The following IQCJ variants were observed in gnomAD, a reference collection of about 807,000 sequenced individuals.
The protein encoded by IQCJ is IQ domain-containing protein J.
IQCJ carries 9 observed loss-of-function variants against 11.0 expected under a neutral mutation model. That is an observed-to-expected ratio of 0.82 (90% CI 0.49 to 1.43). IQCJ has a LOEUF of 1.43. IQCJ is among the 40% of genes most tolerant of loss of function. The pLI, the probability that IQCJ is intolerant of heterozygous loss-of-function variation, is 0.00. For missense variants in IQCJ, 146 were observed against 133.2 expected (o/e 1.10, Z -0.47); for synonymous variants, 55 against 51.3 (o/e 1.07, Z -0.31).
intron 2 of IQCJ, among the ~76,000 whole-genome samples, chr3:159,251,310 T>A (rs1271600961): frequency 2.6e-5 from 4 of 152,068 alleles, no homozygotes; most frequent in African/African-American, 9.7e-5. Flanking sequence ...CTAGTCCTCA[T>A]AACCTGGACT....
At chr3:159,153,561 T>A (rs1455678523) in intron 1 of IQCJ, among the ~76,000 whole-genome samples, 1 of 152,256 alleles carries the variant, frequency 6.6e-6, no homozygotes, top group Non-Finnish European at 1.5e-5. Flanking sequence ...CAATGTTCCT[T>A]GTATTCTAGT....
intron 1 of IQCJ, among the ~76,000 whole-genome samples, chr3:159,163,588 C>G (rs1285021475): frequency 6.6e-6 from 1 of 152,172 alleles, no homozygotes; most frequent in Non-Finnish European, 1.5e-5. Flanking sequence ...TGGTCTTGAA[C>G]TTCTGAGCTC....
chr3:159,117,751 T>C (rs1436858840), intron 1 of IQCJ, among the ~76,000 whole-genome samples: 1 of 152,198 alleles, frequency 6.6e-6, no homozygotes, highest in African/African-American at 2.4e-5. Flanking sequence ...GACACAGTGC[T>C]GAATAGTAGA....
chr3:159,113,163 G>A (rs549060409), intron 1 of IQCJ, among the ~76,000 whole-genome samples: 2 of 152,228 alleles, frequency 1.3e-5, no homozygotes, highest in African/African-American at 2.4e-5. Flanking sequence ...TTGGTTTAAA[G>A]AGCCCTGGGG....
At chr3:159,131,000 G>C (rs1046503914) in intron 1 of IQCJ, among the ~76,000 whole-genome samples, 4 of 151,998 alleles carry the variant, frequency 2.6e-5, no homozygotes, top group African/African-American at 9.7e-5. Context: ...CTACCTCTCA[G>C]GATTATTCTA....
chr3:159,131,138 T>C (rs1194935314), intron 1 of IQCJ, among the ~76,000 whole-genome samples: 1 of 152,126 alleles, frequency 6.6e-6, no homozygotes, highest in Non-Finnish European at 1.5e-5. Flanking sequence ...GAGGTAGAAG[T>C]CCTGGGTTCA....
chr3:159,123,721 A>G (rs1022607031), intron 1 of IQCJ, among the ~76,000 whole-genome samples: 1 of 152,132 alleles, frequency 6.6e-6, no homozygotes. Flanking sequence ...TTCCAGCTCC[A>G]AGCTCTTAAA....
chr3:159,073,262 C>G (rs529926133), intron 1 of IQCJ, among the ~76,000 whole-genome samples: 1 of 152,230 alleles, frequency 6.6e-6, no homozygotes, highest in South Asian at 2.1e-4. Context: ...AGTCCTGTAG[C>G]TGGATGTTGT....
chr3:159,151,150 C>A (rs780982916), intron 1 of IQCJ, among the ~76,000 whole-genome samples: 1 of 152,180 alleles, frequency 6.6e-6, no homozygotes, highest in Non-Finnish European at 1.5e-5. Flanking sequence ...TTGGAAGGAG[C>A]AGAACATCTC....
chr3:159,088,766 T>G (rs4479641), intron 1 of IQCJ, among the ~76,000 whole-genome samples: 52,677 of 151,292 alleles, frequency 0.35, 10,315 homozygotes, highest in Non-Finnish European at 0.46. Context: ...GTTTTCCATT[T>G]GCTTGGTAGA....
chr3:159,265,366 C>T, downstream of IQCJ: 1 of 1,613,442 alleles, frequency 6.2e-7, no homozygotes, highest in Non-Finnish European at 8.5e-7. Context: ...CTCAAGGAGC[C>T]CCAGATAGAA....
At chr3:159,104,136 C>T (rs367725806) in intron 1 of IQCJ, among the ~76,000 whole-genome samples, 2 of 152,186 alleles carry the variant, frequency 1.3e-5, no homozygotes, top group Admixed American at 6.5e-5. Flanking sequence ...TTTACTCTTC[C>T]CCAAATGTCC....
chr3:159,114,863 G>A (rs918445108), intron 1 of IQCJ, among the ~76,000 whole-genome samples: 1 of 152,180 alleles, frequency 6.6e-6, no homozygotes, highest in Admixed American at 6.5e-5. Context: ...CTCAAATAAA[G>A]CTGAAGACAT....
At chr3:159,102,231 C>A (rs138343347) in intron 1 of IQCJ, among the ~76,000 whole-genome samples, 156 of 152,318 alleles carry the variant, frequency 1.0e-3, no homozygotes, top group African/African-American at 3.5e-3. Flanking sequence ...AATCTTCTCT[C>A]TTCTCTTTGC....
chr3:159,264,578 G>T (rs541238706), downstream of IQCJ, among the ~76,000 whole-genome samples: 2 of 152,258 alleles, frequency 1.3e-5, no homozygotes, highest in Non-Finnish European at 2.9e-5. Context: ...GTGCTCATGT[G>T]CTGAGGATGA....
chr3:159,073,433 T>C (rs1715716004), intron 1 of IQCJ, among the ~76,000 whole-genome samples: 1 of 152,046 alleles, frequency 6.6e-6, no homozygotes, highest in African/African-American at 2.4e-5. Flanking sequence ...TTTAAGGAAG[T>C]ACCTATGCTT....
rs372523426 is a variant in IQCJ, at chr3:159,262,739, G to A, written c.*8G>A. 6 of 1,611,200 alleles carry A rather than the reference G, an allele frequency of 3.7e-6. No individual in the cohort carries two copies. The African/African-American group carries it at 6.7e-5, about 18-fold the overall frequency. ...GACTTGACATTCAACTGAAAGCCTA[G>A]ACTTTGGTTCTAAGAGAGAAATCTT... is the stretch of plus-strand genomic sequence containing the variant. On this transcript the variant is annotated 3_prime_UTR_variant, in exon 4 of 4. Coordinates refer to ENST00000397832, the MANE Select transcript of IQCJ (RefSeq NM_001042706.3).
At chr3:159,131,624 T>C (rs1719994521) in intron 1 of IQCJ, among the ~76,000 whole-genome samples, 1 of 152,130 alleles carries the variant, frequency 6.6e-6, no homozygotes, top group African/African-American at 2.4e-5. Flanking sequence ...AACAGCTGTC[T>C]ACTGTTGTAA....
rs558173334 is a variant in IQCJ, at chr3:159,192,355, C to T, written c.10-53488C>T. Among the ~76,000 whole-genome samples, 30 of 152,244 alleles carry T rather than the reference C, an allele frequency of 2.0e-4. 4 individuals are homozygous for T. In the South Asian group the frequency reaches 6.2e-3, roughly 32 times the overall value. On this transcript the variant is annotated intron_variant, in intron 1 of 3. Transcript: ENST00000397832. The stretch of plus-strand genomic sequence containing the variant: ...GTTCATTACATACAAAACTTGTATC[C>T]TGGTGCTATAGGTCCAGTCCCTCAT...
Sources: gnomAD v4.1 joint callset for allele counts (sites outside exome capture counted in the v4.1 genomes callset) on GRCh38, gnomAD v4.1.1 for gene constraint, MANE v1.5 for transcripts, NCBI Gene and HGNC (gene_info 2026-07-23, HGNC 2026-07-21) for gene names.